Variants in METTL8 observed in about 807,000 individuals in gnomAD.
METTL8 encodes tRNA N(3)-cytidine methyltransferase METTL8, mitochondrial.
A neutral mutation model predicts 48.7 loss-of-function variants in METTL8; 32 were observed. The ratio of observed to expected loss-of-function variants is 0.66; its 90% CI spans 0.50 to 0.88. METTL8 has a LOEUF of 0.88. METTL8 is among the 40% of genes least tolerant of loss of function. The pLI, the probability that METTL8 is intolerant of heterozygous loss-of-function variation, is 0.00. For missense variants in METTL8, 464 were observed against 474.4 expected (o/e 0.98, Z 0.20); for synonymous variants, 136 against 157.1 (o/e 0.87, Z 1.01).
chr2:171,326,266 C>A, intron 7 of METTL8, 118 bp from the exon 8 acceptor site: 1 of 611,160 alleles, frequency 1.6e-6, no homozygotes, highest in South Asian at 2.3e-5. Flanking sequence ...GAAATCTAAA[C>A]CATAAACATA....
chr2:171,434,359 C>T (rs1240716832), upstream of METTL8: 7 of 788,416 alleles, frequency 8.9e-6, no homozygotes, highest in Admixed American at 8.1e-5. Context: ...AAAGGGAGTG[C>T]TTCTTCCCTT....
At chr2:171,412,581 T>TA (rs58731347) in intron 1 of METTL8, among the ~76,000 whole-genome samples, 349 of 144,600 alleles carry the variant, frequency 2.4e-3, no homozygotes, top group Admixed American at 5.8e-3. Context: ...TTATTTGCCT[T>TA]AAAAAAAAAA....
At chr2:171,341,870 T>C (rs1362301454) in intron 3 of METTL8, among the ~76,000 whole-genome samples, 7 of 143,516 alleles carry the variant, frequency 4.9e-5, no homozygotes, top group Non-Finnish European at 1.1e-4. Flanking sequence ...CACACACACT[T>C]GTAGAAGGTA....
At chr2:171,382,025 G>A (rs1367917043) in intron 2 of METTL8, among the ~76,000 whole-genome samples, 12 of 151,884 alleles carry the variant, frequency 7.9e-5, no homozygotes, top group African/African-American at 2.4e-4. Flanking sequence ...CTCATGATTC[G>A]CCCACCTTGG....
intron 1 of METTL8, among the ~76,000 whole-genome samples, chr2:171,428,458 C>T (rs937450352): frequency 3.3e-5 from 5 of 151,528 alleles, no homozygotes; most frequent in Admixed American, 2.6e-4. Flanking sequence ...GAGTTCAGCA[C>T]CAGCCTTTGA....
intron 1 of METTL8, among the ~76,000 whole-genome samples, chr2:171,420,014 C>A (rs892706282): frequency 1.3e-5 from 2 of 151,738 alleles, no homozygotes; most frequent in African/African-American, 4.8e-5. Context: ...TCACTTCAAT[C>A]CTGAGTGTTC....
At chr2:171,358,353 G>GAAAAAAAAAAAAAAA (rs750007486) in intron 3 of METTL8, among the ~76,000 whole-genome samples, 1 of 57,074 alleles carries the variant, frequency 1.8e-5, no homozygotes. Context: ...TCCGTCTCCA[G>GAAAAAAAAAAAAAAA]AAAAAAAAAA....
chr2:171,424,941 T>G (rs1692252341), intron 1 of METTL8, among the ~76,000 whole-genome samples: 1 of 152,150 alleles, frequency 6.6e-6, no homozygotes, highest in South Asian at 2.1e-4. Flanking sequence ...CTCTACATGT[T>G]GTGGGAGGGA....
At chr2:171,364,956 T>C (rs1484853709) in intron 2 of METTL8, among the ~76,000 whole-genome samples, 1 of 152,196 alleles carries the variant, frequency 6.6e-6, no homozygotes, top group Non-Finnish European at 1.5e-5. Flanking sequence ...AAAATATTTA[T>C]TCTTAGGTTA....
rs115787197 is a variant in METTL8, at chr2:171,338,828, A to G, written c.606+356T>C. On this transcript the variant is annotated intron_variant, in intron 4 of 9. Transcript: ENST00000375258. ...AAAACCAAGGTCTACACCAGATTATAGCAAATTATATATCTCACTTATTTC... is the reference window on the plus strand; with the variant it reads ...AAAACCAAGGTCTACACCAGATTATGGCAAATTATATATCTCACTTATTTC... 6.3e-3 allele frequency among the ~76,000 whole-genome samples: 964 copies of G among 152,294 alleles called. 7 individuals carry two copies. Among genetic ancestry groups the G allele is most frequent in the African/African-American group, 0.021 (860 of 41,558 alleles).
At chr2:171,329,107 T>G (rs1433322838) in intron 7 of METTL8, among the ~76,000 whole-genome samples, 1 of 152,110 alleles carries the variant, frequency 6.6e-6, no homozygotes, top group African/African-American at 2.4e-5. Flanking sequence ...TGCCTCAGCC[T>G]CCCAAGGAGC....
At position 171,360,456 on chromosome 2, in the gene METTL8, T is replaced by G; in HGVS notation, c.201A>C (p.Glu67Asp). The G allele has an allele frequency of 6.2e-7, 1 of 1,614,018 alleles. No individual in the cohort carries two copies. Among genetic ancestry groups the G allele is most frequent in the Non-Finnish European group, 8.5e-7 (1 of 1,179,964 alleles). ...EEAAARKKVKENSAVRVLLEE... is the reference protein window; with the variant it reads ...EEAAARKKVKDNSAVRVLLEE... The stretch of plus-strand genomic sequence containing the variant: ...CCAGAAGGACTCGCACAGCTGAGTT[T>G]TCTTTTACTTTTTTTCTGGCTGCTG... The change falls in exon 3 of 10, where the codon GAA becomes GAC. Residue 67 changes from glutamate (E) to aspartate (D), a missense_variant. By Grantham distance (45) the Glu-to-Asp change is conservative. Transcript: ENST00000375258.
intron 2 of METTL8, among the ~76,000 whole-genome samples, chr2:171,387,865 A>G (rs1688227683): frequency 1.3e-5 from 2 of 152,154 alleles, no homozygotes; most frequent in African/African-American, 2.4e-5. Flanking sequence ...TAAAAAGCCC[A>G]TGAATCACCT....
intron 1 of METTL8, among the ~76,000 whole-genome samples, chr2:171,412,807 T>G (rs183516344): frequency 6.6e-6 from 1 of 152,148 alleles, no homozygotes; most frequent in African/African-American, 2.4e-5. Flanking sequence ...CATTTTAACT[T>G]TGGTATTTTC....
At chr2:171,327,269 T>C (rs1685051217) in intron 7 of METTL8, among the ~76,000 whole-genome samples, 2 of 152,238 alleles carry the variant, frequency 1.3e-5, no homozygotes, top group Admixed American at 1.3e-4. Flanking sequence ...TGGCTAAGTG[T>C]TCATGGCTTT....
At chr2:171,375,003 G>T (rs1017711731) in intron 2 of METTL8, 2 of 1,019,420 alleles carry the variant, frequency 2.0e-6, no homozygotes, top group African/African-American at 1.6e-5. Context: ...TTCGGTCTTT[G>T]TGGGCTTCAC....
In METTL8 at chr2:171,392,028, A is replaced by G; in HGVS notation, c.143+15T>C. On this transcript the variant is annotated intron_variant, in intron 2 of 9. Coordinates refer to ENST00000375258, the MANE Select transcript of METTL8 (RefSeq NM_001321154.2). ...AAGAAACACACATAATATCAGATTT[A>G]AAAAGAAAACTCACCACATGTTGTG... 6.5e-7 allele frequency: 1 copy of G among 1,543,330 alleles called. No homozygotes were observed. Among genetic ancestry groups the G allele is most frequent in the African/African-American group, 1.4e-5 (1 of 72,560 alleles).
chr2:171,411,639 C>T (rs1359803920), intron 1 of METTL8, among the ~76,000 whole-genome samples: 3 of 152,074 alleles, frequency 2.0e-5, no homozygotes, highest in African/African-American at 7.2e-5. Context: ...AAAGGTACAT[C>T]GCTACTCCAT....
At chr2:171,403,716 A>C (rs1313552454) in intron 1 of METTL8, among the ~76,000 whole-genome samples, 1 of 152,042 alleles carries the variant, frequency 6.6e-6, no homozygotes, top group African/African-American at 2.4e-5. Flanking sequence ...TTTCTTCATA[A>C]ATCTAAAAGT....
Sources: allele counts gnomAD v4.1 joint callset (sites outside exome capture counted in the v4.1 genomes callset), GRCh38; gene constraint gnomAD v4.1.1; transcripts MANE v1.5; gene names NCBI Gene and HGNC (gene_info 2026-07-23, HGNC 2026-07-21).